Variants in POLA1 observed in about 807,000 individuals in gnomAD.
The protein encoded by POLA1 is DNA polymerase alpha catalytic subunit.
A neutral mutation model predicts 124.0 loss-of-function variants in POLA1; 15 were observed. That is an observed-to-expected ratio of 0.12 (90% CI 0.08 to 0.19). The LOEUF (loss-of-function observed/expected upper bound fraction) is 0.19. Among genes scored for constraint, POLA1 ranks in the 10% least tolerant of loss-of-function variants. The pLI, the probability that POLA1 is intolerant of heterozygous loss-of-function variation, is 1.00. For synonymous variants in POLA1, 408 were observed against 389.4 expected (o/e 1.05, Z -0.56); for missense variants, 886 against 1,103.4 (o/e 0.80, Z 2.79).
At chrX:24,832,412 C>T (rs2046276747) in intron 32 of POLA1, among the ~76,000 whole-genome samples, 1 of 111,702 alleles carries the variant, frequency 9.0e-6, no homozygotes, top group Admixed American at 9.5e-5. Flanking sequence ...AATAGAGGGC[C>T]AGTAGTGACA....
rs763424496 is a variant in POLA1, at chrX:24,866,578, A to G, written c.4048-21428A>G. Among the ~76,000 whole-genome samples the G allele has an allele frequency of 9.0e-5, 10 of 111,646 alleles. No homozygotes were observed. The South Asian group carries it at 3.8e-3, about 42-fold the overall frequency. On this transcript the variant is annotated intron_variant, in intron 34 of 36. Transcript: ENST00000379068. ...AAAATGTATATGCTGAGCCTATAGG[A>G]CCTCCTGCAGTGCTTATTAATCCTT...
At chrX:24,909,974 A>G (rs1335892736) in intron 35 of POLA1, among the ~76,000 whole-genome samples, 3 of 110,802 alleles carry the variant, frequency 2.7e-5, no homozygotes, top group Non-Finnish European at 5.7e-5. Context: ...GTGGATTCCT[A>G]GGTATTTTAT....
intron 22 of POLA1, 69 bp downstream of exon 22, chrX:24,742,190 C>T: frequency 1.2e-6 from 1 of 850,404 alleles, no homozygotes; most frequent in African/African-American, 2.3e-5. Flanking sequence ...CCTAGATAGC[C>T]TTTTTTTTCT....
At chrX:24,791,357 C>T (rs1011307237) in intron 26 of POLA1, among the ~76,000 whole-genome samples, 5 of 111,937 alleles carry the variant, frequency 4.5e-5, no homozygotes, top group African/African-American at 1.3e-4. Flanking sequence ...TCTGTGAGTA[C>T]GCTAAACTGT....
intron 26 of POLA1, among the ~76,000 whole-genome samples, chrX:24,808,175 C>T (rs2045834506): frequency 8.9e-6 from 1 of 111,905 alleles, no homozygotes; most frequent in Non-Finnish European, 1.9e-5. Flanking sequence ...GAGTCAGGCG[C>T]TTTCCACCTT....
At chrX:24,946,898 T>A (rs941182004) in intron 36 of POLA1, among the ~76,000 whole-genome samples, 1 of 111,792 alleles carries the variant, frequency 8.9e-6, no homozygotes, top group Non-Finnish European at 1.9e-5. Context: ...TCATAAAAAA[T>A]TTTCTATCCA....
At position 24,964,552 on chromosome X, in the gene POLA1, C is replaced by G. The variant is rs186485390; in HGVS notation, c.4262-31253C>G. ...TGACACCAAATAAATACTTAAGGCT[C>G]TTTATAATACGTTATTAGGGAATCT... On this transcript the variant is annotated intron_variant, in intron 36 of 36. Coordinates refer to ENST00000379068, the MANE Select transcript of POLA1 (RefSeq NM_001330360.2). Among the ~76,000 whole-genome samples, 207 of 112,530 alleles carry G rather than the reference C, an allele frequency of 1.8e-3. 1 individual carries two copies. Among genetic ancestry groups the G allele is most frequent in the African/African-American group, 6.4e-3 (198 of 31,033 alleles).
At chrX:24,857,703 A>G (rs1012742197) in intron 34 of POLA1, among the ~76,000 whole-genome samples, 1 of 111,918 alleles carries the variant, frequency 8.9e-6, no homozygotes, top group East Asian at 2.8e-4. Context: ...ACATAAATGC[A>G]TTGTTAATAT....
chrX:24,915,585 C>T (rs766106343), intron 35 of POLA1, among the ~76,000 whole-genome samples: 1 of 111,557 alleles, frequency 9.0e-6, no homozygotes, highest in South Asian at 3.8e-4. Flanking sequence ...ATATTGTGAA[C>T]GCCACTCACC....
chrX:24,899,303 G>A (rs1487073268), intron 35 of POLA1, among the ~76,000 whole-genome samples: 4 of 111,719 alleles, frequency 3.6e-5, no homozygotes, highest in African/African-American at 6.5e-5. Context: ...CTTACTTTTC[G>A]AAAGTAGTTT....
intron 36 of POLA1, among the ~76,000 whole-genome samples, chrX:24,980,030 A>G (rs191884533): frequency 8.3e-4 from 92 of 111,482 alleles, no homozygotes; most frequent in African/African-American, 2.6e-3. Flanking sequence ...TCTTCCCTTT[A>G]TAAGATGGTA....
chrX:24,806,769 A>C (rs985404762), intron 26 of POLA1, among the ~76,000 whole-genome samples: 1 of 112,262 alleles, frequency 8.9e-6, no homozygotes, highest in African/African-American at 3.2e-5. Context: ...TAAATTACGT[A>C]TGTATAGGGA....
rs765010341 is a variant in POLA1 at position 24,991,212 on chromosome X, C to T, written c.4262-4593C>T. 1.1e-4 allele frequency among the ~76,000 whole-genome samples: 12 copies of T among 108,101 alleles called. No individual in the cohort carries two copies. The South Asian group carries it at 5.1e-3, about 46-fold the overall frequency. The allele number at this position is 108,101 out of a possible 115,157, so 93.9% of individuals were successfully genotyped here. The stretch of plus-strand genomic sequence containing the variant: ...TCTACAACCTCCCCCCCCACACCCA[C>T]CCAAAAAAAAATTCTGTCCAGTATG... On this transcript the variant is annotated intron_variant, in intron 36 of 36. Coordinates refer to ENST00000379068, the MANE Select transcript of POLA1 (RefSeq NM_001330360.2).
intron 34 of POLA1, among the ~76,000 whole-genome samples, chrX:24,878,029 A>G (rs1340830610): frequency 9.1e-6 from 1 of 109,644 alleles, no homozygotes; most frequent in East Asian, 2.9e-4. Context: ...TTGTGGGTTT[A>G]CATTCTACAT....
intron 35 of POLA1, among the ~76,000 whole-genome samples, chrX:24,929,530 C>T (rs2047743210): frequency 8.9e-6 from 1 of 112,193 alleles, no homozygotes; most frequent in African/African-American, 3.2e-5. Context: ...AAAGAAAACA[C>T]CAAAGCTTGA....
intron 26 of POLA1, among the ~76,000 whole-genome samples, chrX:24,778,256 T>TC (rs1185776514): frequency 9.0e-6 from 1 of 111,453 alleles, no homozygotes; most frequent in East Asian, 2.8e-4. Context: ...ATTTTTTTTT[T>TC]CCCCAAGATG....
At chrX:24,719,421 T>C (rs945300058) in intron 10 of POLA1, among the ~76,000 whole-genome samples, 5 of 112,052 alleles carry the variant, frequency 4.5e-5, no homozygotes, top group Admixed American at 2.8e-4. Flanking sequence ...AGAAATGATA[T>C]CTTAATTTAC....
chrX:24,890,462 C>T (rs2047130692), intron 35 of POLA1, among the ~76,000 whole-genome samples: 1 of 111,926 alleles, frequency 8.9e-6, no homozygotes, highest in Non-Finnish European at 1.9e-5. Flanking sequence ...AATATCTCTA[C>T]TTGAAATTTT....
intron 26 of POLA1, among the ~76,000 whole-genome samples, chrX:24,774,637 T>C (rs755596599): frequency 4.3e-4 from 48 of 111,864 alleles, no homozygotes; most frequent in Non-Finnish European, 8.5e-4. Context: ...TGGGCTTGTA[T>C]ACCTTTGGCT....
Sources: allele counts gnomAD v4.1 joint callset (sites outside exome capture counted in the v4.1 genomes callset), GRCh38; gene constraint gnomAD v4.1.1; transcripts MANE v1.5; gene names NCBI Gene and HGNC (gene_info 2026-07-23, HGNC 2026-07-21).